C10orf71: variants seen among roughly 807,000 people sequenced by gnomAD.
C10orf71 encodes the protein chromosome 10 open reading frame 71, also known as cardiac-enriched FHL2-interacting protein.
For synonymous variants in C10orf71, 758 were observed against 726.3 expected, an observed-to-expected ratio of 1.04 and a Z score of -0.70; for missense variants, 1,869 against 1,804.5, an observed-to-expected ratio of 1.04 and a Z score of -0.65.
At position 49,323,888 on chromosome 10, in the gene C10orf71, C is replaced by A; in HGVS notation, c.1343C>A (p.Thr448Asn). 1 of 1,613,568 alleles carries A rather than the reference C, an allele frequency of 6.2e-7. No individual in the cohort carries two copies. The highest frequency in any genetic ancestry group is 8.5e-7 in the Non-Finnish European group (1 of 1,179,828). ...CCCTTTAACATCAGTAAGCTCCTGA[C>A]CCCCATCATACCCAGCAAGCACGCC... ...DPPFNISKLLTPIIPSKHALD... is the reference protein window; with the variant it reads ...DPPFNISKLLNPIIPSKHALD... The change falls in exon 3 of 3, where the codon ACC becomes AAC. Residue 448 changes from threonine to asparagine, a missense_variant. Physicochemically the swap from Thr to Asn is moderately conservative, Grantham distance 65 (BLOSUM62 0). Transcript: ENST00000374144.
chr10:49,319,482 G>T (rs1849054290), intron 2 of C10orf71, among the ~76,000 whole-genome samples: 1 of 151,970 alleles, frequency 6.6e-6, no homozygotes, highest in African/African-American at 2.4e-5. Flanking sequence ...TTTAAAAATA[G>T]AACAACCATA....
In C10orf71 at chr10:49,322,943, T is replaced by C; in HGVS notation, c.398T>C (p.Leu133Pro). Residue 133 changes from leucine (L) to proline (P), a missense_variant, in exon 3 of 3, where the codon CTA becomes CCA. Coordinates refer to ENST00000374144, the MANE Select transcript of C10orf71 (RefSeq NM_001135196.2). ...AGACTGGAGGTGCCAGTTTCCGGCCTAAGGAGCAGCAATAAGCCTGTCTCC... is the reference window on the plus strand; with the variant it reads ...AGACTGGAGGTGCCAGTTTCCGGCCCAAGGAGCAGCAATAAGCCTGTCTCC... ...QRRLEVPVSG[L>P]RSSNKPVSKV... 3 of 1,613,914 alleles carry C rather than the reference T, an allele frequency of 1.9e-6. No homozygotes were observed. Among genetic ancestry groups the C allele is most frequent in the Non-Finnish European group, 2.5e-6 (3 of 1,179,868 alleles).
intron 1 of C10orf71, among the ~76,000 whole-genome samples, chr10:49,301,710 G>C (rs1023352485): frequency 1.3e-5 from 2 of 152,204 alleles, no homozygotes; most frequent in Non-Finnish European, 2.9e-5. Flanking sequence ...TCAGTGCAAA[G>C]TGCATTCCCT....
At chr10:49,315,147 G>C (rs899367699) in intron 1 of C10orf71, among the ~76,000 whole-genome samples, 1 of 152,094 alleles carries the variant, frequency 6.6e-6, no homozygotes, top group African/African-American at 2.4e-5. Context: ...GCCGTATGGT[G>C]GTAGACACAG....
chr10:49,307,452 A>T (rs1036153887), intron 1 of C10orf71, among the ~76,000 whole-genome samples: 31 of 152,242 alleles, frequency 2.0e-4, no homozygotes, highest in Non-Finnish European at 4.4e-5. Flanking sequence ...AGTTCCAAGG[A>T]GTGATCCTCC....
At position 49,325,152 on chromosome 10, in the gene C10orf71, A is replaced by G; in HGVS notation, c.2607A>G (p.Lys869=). 1 of 1,551,902 alleles carries G rather than the reference A, an allele frequency of 6.4e-7. No homozygotes were observed. The highest frequency in any genetic ancestry group is 1.2e-5 in the South Asian group (1 of 84,046). ...DNTLRATPVI[K]PIMLPLLRTM... is the part of the protein sequence containing the mutation. ...CCCTCAGAGCTACCCCCGTAATTAA[A>G]CCTATCATGCTGCCTCTCCTGAGGA... is the stretch of plus-strand genomic sequence containing the variant. The change falls in exon 3 of 3, where the codon AAA becomes AAG. Residue 869 remains lysine, a synonymous_variant. Transcript: ENST00000374144.
At chr10:49,317,874 G>C (rs1304415413) in intron 2 of C10orf71, among the ~76,000 whole-genome samples, 1 of 152,018 alleles carries the variant, frequency 6.6e-6, no homozygotes, top group East Asian at 1.9e-4. Flanking sequence ...AATTTTAAAA[G>C]GTTTTAAAAA....
chr10:49,300,015 G>C (rs1044618950), intron 1 of C10orf71, among the ~76,000 whole-genome samples: 2 of 152,348 alleles, frequency 1.3e-5, no homozygotes, highest in Non-Finnish European at 2.9e-5. Flanking sequence ...ATGCTTGACT[G>C]AGTCTAAAAT....
At chr10:49,310,129 G>A (rs112535626) in intron 1 of C10orf71, among the ~76,000 whole-genome samples, 6,958 of 152,226 alleles carry the variant, frequency 0.046, 292 homozygotes, top group Non-Finnish European at 0.062. Context: ...GGGCCTGCAG[G>A]GGAGCCCCCA....
In C10orf71 at chr10:49,322,555, G is replaced by A; in HGVS notation, c.10G>A (p.Gly4Arg). 1 of 1,602,806 alleles carries A rather than the reference G, an allele frequency of 6.2e-7. No individual in the cohort carries two copies. The highest frequency in any genetic ancestry group is 8.5e-7 in the Non-Finnish European group (1 of 1,172,362). The change falls in exon 3 of 3, where the codon GGA (glycine) becomes AGA (arginine). Residue 4 changes from glycine (G) to arginine (R), a missense_variant. Coordinates refer to ENST00000374144, the MANE Select transcript of C10orf71 (RefSeq NM_001135196.2). Reference protein sequence around the residue: MMQGNKKCTDAFSD... With the variant: MMQRNKKCTDAFSD... ...TTCTTGGAGCCAACAGATGATGCAA[G>A]GAAATAAGAAGTGCACAGACGCGTT...
chr10:49,323,171 G>T lies in C10orf71; in HGVS notation c.626G>T (p.Ser209Ile), dbSNP rs1421956168. 1.2e-6 allele frequency: 2 copies of T among 1,613,990 alleles called. No homozygotes were observed. Among genetic ancestry groups the T allele is most frequent in the Non-Finnish European group, 8.5e-7 (1 of 1,179,892 alleles). The part of the protein sequence containing the change: ...PAEVSNTHQN[S>I]YQPGRKHGEQ... ...GAAGTTTCCAACACCCATCAGAACA[G>T]CTACCAGCCAGGCAGGAAGCACGGA... is the stretch of plus-strand genomic sequence containing the variant. The change falls in exon 3 of 3, where the codon AGC (serine) becomes ATC (isoleucine). Residue 209 changes from serine (S) to isoleucine (I), a missense_variant. Coordinates refer to ENST00000374144, the MANE Select transcript of C10orf71 (RefSeq NM_001135196.2).
At chr10:49,307,005 T>C (rs1590325264) in intron 1 of C10orf71, among the ~76,000 whole-genome samples, 1 of 152,250 alleles carries the variant, frequency 6.6e-6, no homozygotes, top group South Asian at 2.1e-4. Context: ...TCTCCCAAAA[T>C]CTCTGCCTCT....
Position 49,322,903 on chromosome 10 carries a change from A to G in C10orf71, c.358A>G (p.Thr120Ala). 1.2e-6 allele frequency: 2 copies of G among 1,613,784 alleles called. No homozygotes were observed. Among genetic ancestry groups the G allele is most frequent in the Non-Finnish European group, 1.7e-6 (2 of 1,179,800 alleles). Residue 120 changes from threonine to alanine, a missense_variant, in exon 3 of 3, where the codon ACG becomes GCG. Transcript: ENST00000374144. ...GTACCCCAAAACCAGCCCCCCACCA[A>G]CGCCAGTCCAGAGGAGACTGGAGGT... The part of the protein sequence containing the change: ...EKYPKTSPPP[T>A]PVQRRLEVPV...
intron 2 of C10orf71, among the ~76,000 whole-genome samples, chr10:49,321,899 G>T (rs1849099777): frequency 6.6e-6 from 1 of 152,162 alleles, no homozygotes; most frequent in Admixed American, 6.5e-5. Flanking sequence ...AAATCAGCGG[G>T]TTTGGGGTTT....
At chr10:49,311,945 T>C (rs1056510497) in intron 1 of C10orf71, among the ~76,000 whole-genome samples, 3 of 152,144 alleles carry the variant, frequency 2.0e-5, no homozygotes, top group Non-Finnish European at 4.4e-5. Context: ...CAGTCAATAA[T>C]AACAGCATCA....
Position 49,322,660 on chromosome 10 carries a change from A to C in C10orf71, c.115A>C (p.Ser39Arg), listed in dbSNP as rs747305609. ...VSSLTDRAFRSLCISEDTSFH... is the reference protein window; with the variant it reads ...VSSLTDRAFRRLCISEDTSFH... ...CAGCCTAACAGACCGGGCATTCCGG[A>C]GTTTGTGCATCTCCGAGGACACATC... The change falls in exon 3 of 3, where the codon AGT becomes CGT. Residue 39 changes from serine to arginine, a missense_variant. Physicochemically the swap from Ser to Arg is moderately radical, Grantham distance 110 (BLOSUM62 -1). Coordinates refer to ENST00000374144, the MANE Select transcript of C10orf71 (RefSeq NM_001135196.2). The C allele has an allele frequency of 9.9e-6, 16 of 1,613,626 alleles. No individual in the cohort carries two copies. The highest frequency in any genetic ancestry group is 1.4e-5 in the Non-Finnish European group (16 of 1,179,780).
intron 1 of C10orf71, among the ~76,000 whole-genome samples, chr10:49,307,280 TAGGGAGCATCTGGCTGCTG>T (rs1197871416): frequency 6.6e-6 from 1 of 152,196 alleles, no homozygotes; most frequent in Admixed American, 6.5e-5. Context: ...GCTCTTTGCT[TAGGGAGCATCTGGCTGCTG>T]AGGCTGGGCC....
At position 49,324,836 on chromosome 10, in the gene C10orf71, ACAGT is replaced by A. The variant is rs1239572211; in HGVS notation, c.2295_2298del (p.Ser765ArgfsTer8). 8 of 1,551,878 alleles carry A rather than the reference ACAGT, an allele frequency of 5.2e-6. No homozygotes were observed. Among genetic ancestry groups the A allele is most frequent in the African/African-American group, 2.7e-5 (2 of 73,056 alleles). Reference sequence around the variant, plus strand: ...AGGAGGAAGGATGTGAGTGCAGGTGACAGTCAGAAGGATGAGAAGGAGAATGTGA... The same window carrying A: ...AGGAGGAAGGATGTGAGTGCAGGTGACAGAAGGATGAGAAGGAGAATGTGA... On this transcript the variant is annotated frameshift_variant, in exon 3 of 3. Coordinates refer to ENST00000374144, the MANE Select transcript of C10orf71 (RefSeq NM_001135196.2). LOFTEE classifies it low-confidence loss of function (END_TRUNC).
At chr10:49,309,082 G>T (rs1413066479) in intron 1 of C10orf71, among the ~76,000 whole-genome samples, 1 of 152,218 alleles carries the variant, frequency 6.6e-6, no homozygotes, top group Non-Finnish European at 1.5e-5. Flanking sequence ...AGTGAGCACG[G>T]GCAGGTGCAG....
Sources: allele counts gnomAD v4.1 joint callset (sites outside exome capture counted in the v4.1 genomes callset), GRCh38; gene constraint gnomAD v4.1.1; transcripts MANE v1.5; gene names NCBI Gene and HGNC (gene_info 2026-07-23, HGNC 2026-07-21).